Variants in VTA1 observed in about 807,000 individuals in gnomAD.
The protein encoded by VTA1 is vacuolar protein sorting-associated protein VTA1 homolog.
In VTA1, 24 loss-of-function variants were observed where a neutral mutation model predicts 36.9. That is an observed-to-expected ratio of 0.65 (90% CI 0.47 to 0.91). VTA1 has a LOEUF of 0.91. VTA1 is among the 40% of genes least tolerant of loss of function. The pLI, the probability that VTA1 is intolerant of heterozygous loss-of-function variation, is 0.00. For synonymous variants in VTA1, 142 were observed against 130.2 expected (o/e 1.09, Z -0.62); for missense variants, 393 against 377.2 (o/e 1.04, Z -0.35).
At chr6:142,149,675 T>A (rs1400126646) in intron 1 of VTA1, among the ~76,000 whole-genome samples, 1 of 152,222 alleles carries the variant, frequency 6.6e-6, no homozygotes, top group East Asian at 1.9e-4. Context: ...TCTGAAGACC[T>A]TTGATGTTCA....
At chr6:142,207,190 C>G (rs1309759102) in intron 7 of VTA1, among the ~76,000 whole-genome samples, 1 of 152,112 alleles carries the variant, frequency 6.6e-6, no homozygotes, top group Non-Finnish European at 1.5e-5. Context: ...TGCTTCTGCC[C>G]TACCCTTATG....
In VTA1 at chr6:142,147,285, G is replaced by T; in HGVS notation, c.-3G>T. 2 of 1,614,164 alleles carry T rather than the reference G, an allele frequency of 1.2e-6. No individual in the cohort carries two copies. The highest frequency in any genetic ancestry group is 1.7e-6 in the Non-Finnish European group (2 of 1,180,016). On this transcript the variant is annotated 5_prime_UTR_variant, in exon 1 of 8. Transcript: ENST00000367630. ...AGTAGGAAGTGGTGAGTTCGGAGTA[G>T]AGATGGCCGCGCTTGCACCGCTGCC...
chr6:142,158,869 A>C (rs1416907057), intron 1 of VTA1, among the ~76,000 whole-genome samples: 3 of 152,136 alleles, frequency 2.0e-5, no homozygotes, highest in African/African-American at 7.2e-5. Context: ...CTAATATTTA[A>C]GGAAAGATCT....
chr6:142,210,969 T>C (rs753018640), intron 7 of VTA1, among the ~76,000 whole-genome samples: 8 of 152,216 alleles, frequency 5.3e-5, no homozygotes, highest in African/African-American at 1.2e-4. Context: ...GTATACACAA[T>C]GGAATATTAT....
rs146267041 is a variant in VTA1 at position 142,167,595 on chromosome 6, G to A, written c.207+1273G>A. Among the ~76,000 whole-genome samples, 20 of 152,224 alleles carry A rather than the reference G, an allele frequency of 1.3e-4. No homozygotes were observed. In the East Asian group the frequency reaches 3.7e-3, roughly 28 times the overall value. On this transcript the variant is annotated intron_variant, in intron 2 of 7. Transcript: ENST00000367630. Reference sequence around the variant, plus strand: ...GTTATGATTCAAACAAGACTTATGCGAAGACAGAACTTCCTACCTAGTTGT... The same window carrying A: ...GTTATGATTCAAACAAGACTTATGCAAAGACAGAACTTCCTACCTAGTTGT...
At chr6:142,195,211 C>T (rs1775521372) in intron 5 of VTA1, among the ~76,000 whole-genome samples, 1 of 152,030 alleles carries the variant, frequency 6.6e-6, no homozygotes, top group African/African-American at 2.4e-5. Context: ...TCCATCTAGG[C>T]TCTGCATTTT....
chr6:142,161,127 T>C (rs1272185132), intron 1 of VTA1, among the ~76,000 whole-genome samples: 1 of 145,342 alleles, frequency 6.9e-6, no homozygotes, highest in African/African-American at 2.6e-5. Flanking sequence ...AATTATTTAA[T>C]TTGGAAAGTA....
At chr6:142,153,098 A>C (rs1423545135) in intron 1 of VTA1, among the ~76,000 whole-genome samples, 5 of 152,034 alleles carry the variant, frequency 3.3e-5, no homozygotes, top group Non-Finnish European at 7.4e-5. Flanking sequence ...ATTCTCCTGG[A>C]GGACAGGGAT....
intron 4 of VTA1, among the ~76,000 whole-genome samples, chr6:142,182,455 G>A (rs781116534): frequency 2.0e-5 from 3 of 152,160 alleles, no homozygotes; most frequent in Non-Finnish European, 2.9e-5. Flanking sequence ...TCATTAGTAT[G>A]TTATTAAATA....
At chr6:142,217,956 G>A (rs775321359) in intron 7 of VTA1, among the ~76,000 whole-genome samples, 3 of 151,656 alleles carry the variant, frequency 2.0e-5, no homozygotes, top group Non-Finnish European at 4.4e-5. Context: ...AATATGTAAT[G>A]GTTGTTTACA....
intron 1 of VTA1, among the ~76,000 whole-genome samples, chr6:142,161,871 A>G (rs1346345130): frequency 6.6e-6 from 1 of 152,172 alleles, no homozygotes; most frequent in Non-Finnish European, 1.5e-5. Context: ...TTAATAGTAG[A>G]AAATGTATCT....
In VTA1 at chr6:142,193,640, A is replaced by C. The variant is rs117942802; in HGVS notation, c.520+4106A>C. 9.2e-5 allele frequency among the ~76,000 whole-genome samples: 14 copies of C among 151,716 alleles called. No homozygotes were observed. In the East Asian group the frequency reaches 1.7e-3, roughly 19 times the overall value. On this transcript the variant is annotated intron_variant, in intron 5 of 7. Transcript: ENST00000367630. ...TCATTACTCATTATTCTTTATTATGATCCTTTATGTGACTCCTGTTGCAGC... is the reference window on the plus strand; with the variant it reads ...TCATTACTCATTATTCTTTATTATGCTCCTTTATGTGACTCCTGTTGCAGC...
chr6:142,178,839 G>A (rs925630771), intron 4 of VTA1, among the ~76,000 whole-genome samples: 1 of 151,858 alleles, frequency 6.6e-6, no homozygotes, highest in African/African-American at 2.4e-5. Flanking sequence ...AGCCTTAACT[G>A]TATACTGTTT....
chr6:142,157,445 T>C (rs965033023), intron 1 of VTA1, among the ~76,000 whole-genome samples: 2 of 152,260 alleles, frequency 1.3e-5, no homozygotes, highest in African/African-American at 4.8e-5. Flanking sequence ...AGCCTTCCAT[T>C]CCTCTTAAGT....
intron 5 of VTA1, among the ~76,000 whole-genome samples, chr6:142,194,230 ATCT>A (rs1775504104): frequency 1.3e-5 from 2 of 152,230 alleles, no homozygotes; most frequent in East Asian, 1.9e-4. Context: ...GAGTAACTCA[ATCT>A]TCTTTTCTTT....
intron 4 of VTA1, among the ~76,000 whole-genome samples, chr6:142,177,635 AT>A (rs1259860657): frequency 2.0e-5 from 3 of 152,078 alleles, no homozygotes; most frequent in East Asian, 1.9e-4. Context: ...TTAAAAAAAA[AT>A]ATGCTAAATG....
rs1489425532 is a variant in VTA1 at position 142,169,564 on chromosome 6, G to A, written c.222G>A (p.Leu74=). The A allele has an allele frequency of 2.5e-6, 4 of 1,606,786 alleles. No homozygotes were observed. Among genetic ancestry groups the A allele is most frequent in the Non-Finnish European group, 3.4e-6 (4 of 1,178,462 alleles). Residue 74 remains leucine (L), a synonymous_variant, in exon 3 of 8, where the codon TTG becomes TTA. Transcript: ENST00000367630. ...MDQLEALKKQ[L]GDNEAITQEI... ...TTTTATTTTAGCTAAAGAAGCAGTT[G>A]GGTGATAATGAAGCTATTACTCAAG...
At chr6:142,210,393 G>A (rs9496299) in intron 7 of VTA1, among the ~76,000 whole-genome samples, 35 of 152,158 alleles carry the variant, frequency 2.3e-4, no homozygotes, top group African/African-American at 7.7e-4. Flanking sequence ...GTAAGACCTC[G>A]AAAGCATAGG....
At chr6:142,167,632 A>T (rs1355422314) in intron 2 of VTA1, among the ~76,000 whole-genome samples, 1 of 152,188 alleles carries the variant, frequency 6.6e-6, no homozygotes, top group Non-Finnish European at 1.5e-5. Context: ...TAAAGCAGCC[A>T]TGGGCAGTAG....
Sources: allele counts gnomAD v4.1 joint callset (sites outside exome capture counted in the v4.1 genomes callset), GRCh38; gene constraint gnomAD v4.1.1; transcripts MANE v1.5; gene names NCBI Gene and HGNC (gene_info 2026-07-23, HGNC 2026-07-21).